CACHD1: variants seen among roughly 807,000 people sequenced by gnomAD.
CACHD1 encodes the protein VWFA and cache domain-containing protein 1.
A neutral mutation model predicts 138.7 loss-of-function variants in CACHD1; 71 were observed. That is an observed-to-expected ratio of 0.51 (90% CI 0.42 to 0.62). The LOEUF is 0.62. CACHD1 is among the 20% of genes least tolerant of loss of function. The pLI is 0.00. For missense variants in CACHD1, 1,389 were observed against 1,625.3 expected (o/e 0.85, Z 2.50); for synonymous variants, 578 against 591.5 (o/e 0.98, Z 0.33).
chr1:64,488,069 A>G (rs1646253832), intron 1 of CACHD1, among the ~76,000 whole-genome samples: 1 of 152,166 alleles, frequency 6.6e-6, no homozygotes, highest in South Asian at 2.1e-4. Flanking sequence ...CTGTTCTATG[A>G]TGATACTGAG....
At chr1:64,671,845 CT>C (rs1649827814) in intron 17 of CACHD1, among the ~76,000 whole-genome samples, 159 bp downstream of exon 17, 1 of 152,086 alleles carries the variant, frequency 6.6e-6, no homozygotes, top group Non-Finnish European at 1.5e-5. Context: ...TTTTTCTCTT[CT>C]TTCGTTTTTC....
intron 2 of CACHD1, among the ~76,000 whole-genome samples, chr1:64,570,649 G>C (rs920832595): frequency 6.6e-6 from 1 of 152,160 alleles, no homozygotes; most frequent in African/African-American, 2.4e-5. Context: ...CTGTGACTTA[G>C]AGAGTGATAT....
At chr1:64,518,772 AG>A (rs1330475646) in intron 1 of CACHD1, among the ~76,000 whole-genome samples, 1 of 152,194 alleles carries the variant, frequency 6.6e-6, no homozygotes, top group Non-Finnish European at 1.5e-5. Context: ...TTGCTTGAGA[AG>A]GGAAAGAGGA....
At chr1:64,624,288 T>C (rs1648022651) in intron 4 of CACHD1, among the ~76,000 whole-genome samples, 1 of 152,246 alleles carries the variant, frequency 6.6e-6, no homozygotes, top group Non-Finnish European at 1.5e-5. Flanking sequence ...TGATCTTTTG[T>C]GGTGAGACTA....
At chr1:64,601,252 T>C (rs1647210747) in intron 3 of CACHD1, among the ~76,000 whole-genome samples, 1 of 152,190 alleles carries the variant, frequency 6.6e-6, no homozygotes, top group African/African-American at 2.4e-5. Flanking sequence ...TATAAAAACA[T>C]CAGGGAGGGA....
intron 26 of CACHD1, among the ~76,000 whole-genome samples, chr1:64,684,970 C>T (rs764261392): frequency 1.2e-4 from 19 of 152,078 alleles, no homozygotes; most frequent in South Asian, 4.2e-4. Context: ...CCACCATGCC[C>T]GGCTAATTTT....
intron 4 of CACHD1, among the ~76,000 whole-genome samples, chr1:64,612,468 T>C (rs1647570497): frequency 6.6e-6 from 1 of 152,186 alleles, no homozygotes; most frequent in African/African-American, 2.4e-5. Context: ...TCGTTGTTGC[T>C]AAATTTTATA....
At chr1:64,486,491 T>C (rs1200135016) in intron 1 of CACHD1, among the ~76,000 whole-genome samples, 1 of 152,164 alleles carries the variant, frequency 6.6e-6, no homozygotes, top group African/African-American at 2.4e-5. Context: ...TTGATTTTCT[T>C]TCGAGTGACA....
intron 2 of CACHD1, among the ~76,000 whole-genome samples, chr1:64,570,595 G>A (rs558606746): frequency 4.1e-4 from 62 of 152,082 alleles, no homozygotes; most frequent in African/African-American, 1.4e-3. Context: ...TTTGCAGTTC[G>A]CCCTGTCATC....
intron 16 of CACHD1, among the ~76,000 whole-genome samples, chr1:64,668,754 G>A (rs1392847515): frequency 1.3e-5 from 2 of 152,178 alleles, no homozygotes. Context: ...AGCAGAGTGT[G>A]ATTTTACTAT....
chr1:64,635,116 T>A (rs893077), intron 7 of CACHD1, among the ~76,000 whole-genome samples: 5 of 151,488 alleles, frequency 3.3e-5, no homozygotes, highest in East Asian at 2.0e-4. Flanking sequence ...ATGGTCAGTC[T>A]GTACAATTTC....
At chr1:64,597,710 C>T (rs1050214208) in intron 3 of CACHD1, among the ~76,000 whole-genome samples, 3 of 151,724 alleles carry the variant, frequency 2.0e-5, no homozygotes, top group Non-Finnish European at 4.4e-5. Context: ...TTTTTAAAAG[C>T]ACAGGCATGA....
At position 64,675,887 on chromosome 1, in the gene CACHD1, T is replaced by C; in HGVS notation, c.2889-10T>C. 6.5e-7 allele frequency: 1 copy of C among 1,527,224 alleles called. No individual in the cohort carries two copies. The highest frequency in any genetic ancestry group is 8.8e-7 in the Non-Finnish European group (1 of 1,136,884). The allele number at this position is 1,527,224 out of a possible 1,614,324, so 94.6% of individuals were successfully genotyped here. ...ACCTTCTGCATAGTAACTTTCTTTT[T>C]GCTTTTCAGAATGGAACAAAATGAA... On this transcript the variant is annotated splice_polypyrimidine_tract_variant and intron_variant, in intron 20 of 26. Transcript: ENST00000651257.
intron 1 of CACHD1, among the ~76,000 whole-genome samples, chr1:64,533,222 G>A (rs1285871755): frequency 6.6e-6 from 1 of 152,202 alleles, no homozygotes; most frequent in Non-Finnish European, 1.5e-5. Flanking sequence ...CGGGCGTGGT[G>A]GTGCAGGCCT....
intron 16 of CACHD1, among the ~76,000 whole-genome samples, chr1:64,667,191 A>G (rs140804588): frequency 1.3e-5 from 2 of 152,224 alleles, no homozygotes; most frequent in East Asian, 3.9e-4. Flanking sequence ...ACAAATAGCT[A>G]TTTTTTCCTA....
At chr1:64,663,223 G>C (rs558264492) in intron 13 of CACHD1, among the ~76,000 whole-genome samples, 5 of 148,674 alleles carry the variant, frequency 3.4e-5, no homozygotes, top group Non-Finnish European at 7.5e-5. Context: ...TCTTAGGACT[G>C]TAAGCTCCCT....
intron 1 of CACHD1, among the ~76,000 whole-genome samples, chr1:64,495,316 T>A (rs1646299685): frequency 6.6e-6 from 1 of 152,164 alleles, no homozygotes; most frequent in South Asian, 2.1e-4. Flanking sequence ...GAGGATAGAA[T>A]GCTAAATTCC....
intron 13 of CACHD1, among the ~76,000 whole-genome samples, chr1:64,661,507 C>T (rs1187641886): frequency 6.6e-6 from 1 of 152,142 alleles, no homozygotes; most frequent in East Asian, 1.9e-4. Flanking sequence ...TTACTCCAGC[C>T]CCGTGGTGAC....
At chr1:64,505,413 G>C (rs1038718870) in intron 1 of CACHD1, among the ~76,000 whole-genome samples, 1 of 152,086 alleles carries the variant, frequency 6.6e-6, no homozygotes, top group African/African-American at 2.4e-5. Context: ...CATTCCTCCT[G>C]CTGCACCCTT....
Sources: allele counts gnomAD v4.1 joint callset (sites outside exome capture counted in the v4.1 genomes callset), GRCh38; gene constraint gnomAD v4.1.1; transcripts MANE v1.5; gene names NCBI Gene and HGNC (gene_info 2026-07-23, HGNC 2026-07-21).